The following UBE2R2 variants were observed in gnomAD, a reference collection of about 807,000 sequenced individuals.
UBE2R2 encodes ubiquitin-conjugating enzyme E2 R2.
UBE2R2 carries 1 observed loss-of-function variant against 27.8 expected under a neutral mutation model. That is an observed-to-expected ratio of 0.04 (90% CI 0.01 to 0.17). UBE2R2 has a LOEUF of 0.17. UBE2R2 is among the 10% of genes least tolerant of loss of function. UBE2R2 has a pLI of 1.00. For synonymous variants in UBE2R2, 106 were observed against 113.3 expected (o/e 0.94, Z 0.41); for missense variants, 100 against 291.0 (o/e 0.34, Z 4.78).
intron 1 of UBE2R2, among the ~76,000 whole-genome samples, chr9:33,860,403 G>A (rs560265453): frequency 3.3e-5 from 5 of 152,142 alleles, no homozygotes; most frequent in Admixed American, 1.3e-4. Flanking sequence ...CTGTTACTAC[G>A]CCCTACCACT....
At chr9:33,891,263 A>C (rs2130800737) in intron 2 of UBE2R2, among the ~76,000 whole-genome samples, 1 of 151,618 alleles carries the variant, frequency 6.6e-6, no homozygotes, top group African/African-American at 2.4e-5. Flanking sequence ...CTGGTCTCGA[A>C]CTTCTGACTT....
Position 33,817,671 on chromosome 9 carries a change from G to A in UBE2R2, c.-87G>A. 8.4e-7 allele frequency: 1 copy of A among 1,185,858 alleles called. No homozygotes were observed. The highest frequency in any genetic ancestry group is 1.0e-6 in the Non-Finnish European group (1 of 959,334). The allele number at this position is 1,185,858 out of a possible 1,614,324, so 73.5% of individuals were successfully genotyped here. A position where few individuals can be genotyped will look rare whatever the true frequency, so the allele number is the denominator to read the frequency against. On this transcript the variant is annotated 5_prime_UTR_variant, in exon 1 of 5. Transcript: ENST00000263228. The stretch of plus-strand genomic sequence containing the variant: ...GCCCGGTGCTGCCCGGCCGGAGGGC[G>A]AGCGGAGGGGAGGGGCCTGGTCCGG...
At chr9:33,827,928 G>A (rs1821223447) in intron 1 of UBE2R2, among the ~76,000 whole-genome samples, 1 of 150,958 alleles carries the variant, frequency 6.6e-6, no homozygotes, top group Middle Eastern at 3.4e-3. Context: ...CCCAGATTAT[G>A]CCACTGCAAT....
At chr9:33,900,752 A>G (rs2130810048) in intron 3 of UBE2R2, among the ~76,000 whole-genome samples, 1 of 152,274 alleles carries the variant, frequency 6.6e-6, no homozygotes, top group South Asian at 2.1e-4. Flanking sequence ...AATTTTTTGT[A>G]GAGATGGGGT....
chr9:33,885,789 T>A (rs1821840921), intron 1 of UBE2R2, among the ~76,000 whole-genome samples: 1 of 152,206 alleles, frequency 6.6e-6, no homozygotes, highest in Non-Finnish European at 1.5e-5. Context: ...ATGATGCTTA[T>A]AATTTTTGGC....
chr9:33,917,249 A>C lies in UBE2R2; in HGVS notation c.*12A>C. 1 of 1,613,730 alleles carries C rather than the reference A, an allele frequency of 6.2e-7. No individual in the cohort carries two copies. ...ATGAGGAGTCGTGACGTGCTCCTTCAGTGCCCCTGTACTGCCCTGCCATCT... is the reference window on the plus strand; with the variant it reads ...ATGAGGAGTCGTGACGTGCTCCTTCCGTGCCCCTGTACTGCCCTGCCATCT... On this transcript the variant is annotated 3_prime_UTR_variant, in exon 5 of 5. Coordinates refer to ENST00000263228, the MANE Select transcript of UBE2R2 (RefSeq NM_017811.4).
chr9:33,894,915 G>T (rs1822068554), intron 2 of UBE2R2, among the ~76,000 whole-genome samples: 1 of 152,092 alleles, frequency 6.6e-6, no homozygotes, highest in Non-Finnish European at 1.5e-5. Context: ...ACCCAGGCTG[G>T]TCTGGAACTC....
chr9:33,878,279 T>C (rs1821659218), intron 1 of UBE2R2, among the ~76,000 whole-genome samples: 1 of 152,076 alleles, frequency 6.6e-6, no homozygotes, highest in South Asian at 2.1e-4. Flanking sequence ...GTGGCCCAGG[T>C]CCAAACTTAC....
rs1359812516 is a variant in UBE2R2 at position 33,847,049 on chromosome 9, G to GT, written c.177+29122dup. Reference sequence around the variant, plus strand: ...TTCTGGATATAAAATTATAGGCTGGGTTTTTTTCCCCCTTTCAGTACTATG... The same window carrying GT: ...TTCTGGATATAAAATTATAGGCTGGGTTTTTTTTCCCCCTTTCAGTACTATG... On this transcript the variant is annotated intron_variant, in intron 1 of 4. Transcript: ENST00000263228. Among the ~76,000 whole-genome samples the GT allele has an allele frequency of 2.8e-4, 42 of 148,784 alleles. 1 individual carries two copies. In the East Asian group the frequency reaches 7.9e-3, roughly 28 times the overall value.
intron 1 of UBE2R2, among the ~76,000 whole-genome samples, chr9:33,869,637 C>A (rs559553687): frequency 6.6e-6 from 1 of 151,622 alleles, no homozygotes; most frequent in African/African-American, 2.4e-5. Flanking sequence ...TTAGTAGAGA[C>A]GGGGTTTTCA....
chr9:33,903,123 T>C (rs1822280842), intron 3 of UBE2R2, among the ~76,000 whole-genome samples: 1 of 152,194 alleles, frequency 6.6e-6, no homozygotes, highest in Non-Finnish European at 1.5e-5. Context: ...GTCTGAGTTT[T>C]ATGTATTCTA....
intron 1 of UBE2R2, among the ~76,000 whole-genome samples, chr9:33,848,083 C>G (rs995558068): frequency 6.6e-6 from 1 of 151,998 alleles, no homozygotes; most frequent in African/African-American, 2.4e-5. Flanking sequence ...TTAACTAATT[C>G]TGTTTTATAC....
chr9:33,827,568 G>A (rs888547373), intron 1 of UBE2R2, among the ~76,000 whole-genome samples: 11 of 152,182 alleles, frequency 7.2e-5, no homozygotes, highest in African/African-American at 2.6e-4. Flanking sequence ...TTGAATGCGG[G>A]AGGTGGAATT....
intron 1 of UBE2R2, among the ~76,000 whole-genome samples, chr9:33,830,036 A>G (rs1348259452): frequency 1.3e-5 from 2 of 152,028 alleles, no homozygotes; most frequent in East Asian, 3.9e-4. Flanking sequence ...ACCTCTGGTG[A>G]TCCGCCCTCC....
chr9:33,818,007 C>T, intron 1 of UBE2R2, 73 bp downstream of exon 1: 1 of 1,552,114 alleles, frequency 6.4e-7, no homozygotes, highest in Non-Finnish European at 8.7e-7. Flanking sequence ...TCTGCAGTTC[C>T]TGGGACCAGG....
At chr9:33,886,031 G>T (rs1161642130) in intron 1 of UBE2R2, among the ~76,000 whole-genome samples, 3 of 152,102 alleles carry the variant, frequency 2.0e-5, no homozygotes, top group Non-Finnish European at 4.4e-5. Context: ...CATGTAAAGA[G>T]AATATTTTAT....
At position 33,886,925 on chromosome 9, in the gene UBE2R2, C is replaced by G; in HGVS notation, c.222C>G (p.Thr74=). 6.2e-7 allele frequency: 1 copy of G among 1,601,438 alleles called. No individual in the cohort carries two copies. The highest frequency in any genetic ancestry group is 8.5e-7 in the Non-Finnish European group (1 of 1,177,190). Reference sequence around the variant, plus strand: ...TTGACTACCCCTATTCACCACCTACCTTCAGATTCTTGACCAAAATGTGGC... The same window carrying G: ...TTGACTACCCCTATTCACCACCTACGTTCAGATTCTTGACCAAAATGTGGC... ...FPIDYPYSPP[T]FRFLTKMWHP... Residue 74 remains threonine, a synonymous_variant, in exon 2 of 5, where the codon ACC becomes ACG. Transcript: ENST00000263228.
At chr9:33,907,462 G>C (rs1822378362) in intron 3 of UBE2R2, among the ~76,000 whole-genome samples, 1 of 152,200 alleles carries the variant, frequency 6.6e-6, no homozygotes, top group South Asian at 2.1e-4. Context: ...GAACCACAGA[G>C]ACTAAGAACT....
intron 2 of UBE2R2, among the ~76,000 whole-genome samples, chr9:33,890,892 C>G (rs535466340): frequency 6.6e-6 from 1 of 152,216 alleles, no homozygotes. Context: ...TCATAAGAAA[C>G]TCTTCTCACG....
Sources: allele counts gnomAD v4.1 joint callset (sites outside exome capture counted in the v4.1 genomes callset), GRCh38; gene constraint gnomAD v4.1.1; transcripts MANE v1.5; gene names NCBI Gene and HGNC (gene_info 2026-07-23, HGNC 2026-07-21).